The following PTPN13 variants were observed in gnomAD, a reference collection of about 807,000 sequenced individuals.
PTPN13 encodes protein tyrosine phosphatase non-receptor type 13.
Under a neutral mutation model 284.0 loss-of-function variants are expected in PTPN13, and 191 were observed. The observed-to-expected ratio is 0.67, with a 90% CI of 0.60 to 0.76. The LOEUF (loss-of-function observed/expected upper bound fraction) is 0.76, where lower values mean the gene tolerates loss of function less well. Ranked by LOEUF, PTPN13 falls within the 30% of genes least tolerant of loss-of-function variation. PTPN13 has a pLI of 0.00. For missense variants in PTPN13, 2,797 were observed against 2,939.9 expected (o/e 0.95, Z 1.12); for synonymous variants, 986 against 1,022.3 (o/e 0.96, Z 0.68).
At chr4:86,665,391 T>C (rs35434858) in intron 2 of PTPN13, among the ~76,000 whole-genome samples, 7,093 of 152,310 alleles carry the variant, frequency 0.047, 221 homozygotes, top group African/African-American at 0.061. Context: ...TCTAAAACTA[T>C]ATGCTGATAC....
rs1389935956 is a variant in PTPN13, at chr4:86,750,522, T to C, written c.2703T>C (p.Phe901=). The change falls in exon 18 of 48, where the codon TTT becomes TTC. Residue 901 remains phenylalanine, a synonymous_variant. Transcript: ENST00000411767. ...LNLQAESVRG[F]NMGRAISTGS... is the part of the protein sequence containing the mutation. ...TCCAAGCAGAGTCTGTTAGAGGATT[T>C]AATATGGGACGAGCAATCAGCACTG... 1 of 1,613,808 alleles carries C rather than the reference T, an allele frequency of 6.2e-7. No individual in the cohort carries two copies. The highest frequency in any genetic ancestry group is 1.3e-5 in the African/African-American group (1 of 74,900).
chr4:86,808,766 G>C (rs1744914652), intron 45 of PTPN13, among the ~76,000 whole-genome samples: 1 of 152,122 alleles, frequency 6.6e-6, no homozygotes, highest in Non-Finnish European at 1.5e-5. Context: ...AGATTTGGCA[G>C]TCAACAACAC....
At chr4:86,737,862 G>T (rs189184112) in intron 15 of PTPN13, among the ~76,000 whole-genome samples, 3 of 152,132 alleles carry the variant, frequency 2.0e-5, no homozygotes, top group East Asian at 1.9e-4. Context: ...TCAAGTAGCT[G>T]GGACTACAGG....
In PTPN13 at chr4:86,766,447, C is replaced by T. The variant is rs779180196; in HGVS notation, c.4259C>T (p.Ala1420Val). The T allele has an allele frequency of 6.2e-7, 1 of 1,608,094 alleles. No homozygotes were observed. Among genetic ancestry groups the T allele is most frequent in the Non-Finnish European group, 8.5e-7 (1 of 1,178,314 alleles). ...TAATTTTTAGGTGATCGCGTCCTAGCTGTCAATGGAGTTAGTCTAGAAGGA... is the reference window on the plus strand; with the variant it reads ...TAATTTTTAGGTGATCGCGTCCTAGTTGTCAATGGAGTTAGTCTAGAAGGA... ...GRIHKGDRVL[A>V]VNGVSLEGAT... The change falls in exon 27 of 48, where the codon GCT (alanine) becomes GTT (valine). Residue 1420 changes from alanine to valine, a missense_variant. Ala to Val is a moderately conservative substitution (Grantham distance 64, BLOSUM62 0). Coordinates refer to ENST00000411767, the MANE Select transcript of PTPN13 (RefSeq NM_080683.3).
rs187161066 is a variant in PTPN13 at position 86,606,441 on chromosome 4, G to A, written c.-6+11652G>A. The stretch of plus-strand genomic sequence containing the variant: ...GCTTATTTATTGTGATAATCACTAG[G>A]ATTCATAATTTAAAATTAATTGTAA... On this transcript the variant is annotated intron_variant, in intron 1 of 47. Transcript: ENST00000411767. Among the ~76,000 whole-genome samples, 351 of 151,880 alleles carry A rather than the reference G, an allele frequency of 2.3e-3. 1 individual carries two copies. Among genetic ancestry groups the A allele is most frequent in the Middle Eastern group, 6.8e-3 (2 of 294 alleles).
intron 7 of PTPN13, among the ~76,000 whole-genome samples, chr4:86,712,979 T>A (rs1732600127): frequency 6.6e-6 from 1 of 152,058 alleles, no homozygotes; most frequent in African/African-American, 2.4e-5. Flanking sequence ...GAATGGAAAT[T>A]CAGATTAAAA....
chr4:86,677,728 T>A (rs1343038972), intron 3 of PTPN13, among the ~76,000 whole-genome samples: 1 of 152,058 alleles, frequency 6.6e-6, no homozygotes, highest in Non-Finnish European at 1.5e-5. Flanking sequence ...TCTTTAAATA[T>A]CACTTCACCA....
chr4:86,629,089 T>A (rs1263050967), intron 1 of PTPN13, among the ~76,000 whole-genome samples: 1 of 151,006 alleles, frequency 6.6e-6, no homozygotes, highest in Non-Finnish European at 1.5e-5. Context: ...AAGCCAAAAT[T>A]GACAAATGGG....
chr4:86,678,707 AATCTAAGGTGTC>A, intron 3 of PTPN13, among the ~76,000 whole-genome samples: 1 of 152,222 alleles, frequency 6.6e-6, no homozygotes, highest in Non-Finnish European at 1.5e-5. Context: ...TCCAAGGAAA[AATCTAAGGTGTC>A]ATTCTTAATT....
At chr4:86,757,913 G>T (rs573041639) in intron 20 of PTPN13, among the ~76,000 whole-genome samples, 9 of 152,190 alleles carry the variant, frequency 5.9e-5, no homozygotes, top group African/African-American at 2.2e-4. Flanking sequence ...GTTGATTATG[G>T]TGTAACAAAC....
chr4:86,744,377 A>G (rs890451885), intron 16 of PTPN13, among the ~76,000 whole-genome samples: 4 of 152,212 alleles, frequency 2.6e-5, no homozygotes, highest in African/African-American at 9.6e-5. Flanking sequence ...TGGTGTTTGT[A>G]AACATTACCA....
chr4:86,736,921 TAAG>T (rs1018008829), intron 15 of PTPN13, among the ~76,000 whole-genome samples: 3 of 152,260 alleles, frequency 2.0e-5, no homozygotes, highest in Non-Finnish European at 2.9e-5. Context: ...TCTTCTAACT[TAAG>T]AAGTTTTATC....
At position 86,780,456 on chromosome 4, in the gene PTPN13, G is replaced by A. The variant is rs764597117; in HGVS notation, c.5946G>A (p.Lys1982=). ...AGAGGTCTGCTGTTTCAGCTCCAAA[G>A]TCAACCAAAGGCAATGGTAAGGATA... ...SSKRSAVSAP[K]STKGNGSYSV... The change falls in exon 36 of 48, where the codon AAG becomes AAA. Residue 1982 remains lysine, a synonymous_variant. Transcript: ENST00000411767. The A allele has an allele frequency of 1.2e-6, 2 of 1,606,924 alleles. No homozygotes were observed. The highest frequency in any genetic ancestry group is 2.2e-5 in the South Asian group (2 of 90,146).
In PTPN13 at chr4:86,667,008, ACT is replaced by A. The variant is rs561577669; in HGVS notation, c.116-5352_116-5351del. On this transcript the variant is annotated intron_variant, in intron 2 of 47. Transcript: ENST00000411767. ...CGTCTGCAGCTCAATTGTACGGGCT[ACT>A]CTCTGTTAGAAAAGAAAATGATTTT... Among the ~76,000 whole-genome samples the A allele has an allele frequency of 6.3e-4, 96 of 152,148 alleles. 2 individuals carry two copies. The South Asian group carries it at 0.02, about 31-fold the overall frequency.
At chr4:86,625,533 A>T (rs1721736290) in intron 1 of PTPN13, among the ~76,000 whole-genome samples, 1 of 152,048 alleles carries the variant, frequency 6.6e-6, no homozygotes, top group Non-Finnish European at 1.5e-5. Context: ...CTCACCTGCT[A>T]GATATTTTTA....
At chr4:86,641,879 A>G (rs937095721) in intron 2 of PTPN13, among the ~76,000 whole-genome samples, 6 of 152,198 alleles carry the variant, frequency 3.9e-5, no homozygotes, top group African/African-American at 1.4e-4. Context: ...TTCCTAGGCT[A>G]TAGCTTAAGC....
At chr4:86,744,336 A>T (rs116139564) in intron 16 of PTPN13, among the ~76,000 whole-genome samples, 165 of 152,324 alleles carry the variant, frequency 1.1e-3, no homozygotes, top group African/African-American at 3.8e-3. Context: ...AGAGTAGAAC[A>T]CATATTTATT....
intron 36 of PTPN13, 69 bp downstream of exon 36, chr4:86,780,541 G>A: frequency 9.6e-7 from 1 of 1,040,054 alleles, no homozygotes; most frequent in Middle Eastern, 2.0e-4. Context: ...ATCCATTTTG[G>A]AAAACAGGTT....
At chr4:86,715,372 CTT>C (rs1732902986) in intron 7 of PTPN13, among the ~76,000 whole-genome samples, 1 of 152,062 alleles carries the variant, frequency 6.6e-6, no homozygotes, top group Non-Finnish European at 1.5e-5. Context: ...CATATATATA[CTT>C]TTTGCCCAAT....
Sources: allele counts gnomAD v4.1 joint callset (sites outside exome capture counted in the v4.1 genomes callset), GRCh38; gene constraint gnomAD v4.1.1; transcripts MANE v1.5; gene names NCBI Gene and HGNC (gene_info 2026-07-23, HGNC 2026-07-21).